Variants in GALK1 observed in about 807,000 individuals in gnomAD.
GALK1 encodes galactokinase.
A neutral mutation model predicts 38.6 loss-of-function variants in GALK1; 30 were observed. That is an observed-to-expected ratio of 0.78 (90% CI 0.58 to 1.05). The LOEUF (loss-of-function observed/expected upper bound fraction) is 1.05, where lower values mean the gene tolerates loss of function less well. GALK1 is among the 50% of genes least tolerant of loss of function. The pLI is 0.00. For synonymous variants in GALK1, 240 were observed against 233.6 expected, an observed-to-expected ratio of 1.03 and a Z score of -0.25; for missense variants, 512 against 540.5, an observed-to-expected ratio of 0.95 and a Z score of 0.52.
downstream of GALK1, chr17:75,756,659 C>T (rs1023347577): frequency 6.2e-6 from 10 of 1,613,002 alleles, no homozygotes; most frequent in Non-Finnish European, 7.6e-6. Flanking sequence ...CCCATCATGC[C>T]CACCACCCAC....
downstream of GALK1, chr17:75,756,708 C>T (rs57812564): frequency 6.3e-5 from 101 of 1,613,438 alleles, no homozygotes; most frequent in South Asian, 8.5e-4. Flanking sequence ...CCCCAGGCTC[C>T]GCCTTCACTT....
At chr17:75,753,812 C>T, downstream of GALK1, 1 of 1,465,278 alleles carries the variant, frequency 6.8e-7, no homozygotes, top group Non-Finnish European at 9.0e-7. Context: ...GCTGGACCTG[C>T]GGCGCGTCAC....
At chr17:75,757,719 C>T (rs757395224), downstream of GALK1, 10 of 953,078 alleles carry the variant, frequency 1.0e-5, no homozygotes, top group South Asian at 2.8e-5. Context: ...GGGCAAGGTC[C>T]GTCCTCTGTG....
chr17:75,754,594 G>A (rs755867749), downstream of GALK1: 77 of 1,613,624 alleles, frequency 4.8e-5, no homozygotes, highest in East Asian at 6.7e-5. Flanking sequence ...GTGAATGGCC[G>A]GATGGACTTT....
At chr17:75,762,943 G>T in intron 4 of GALK1, 58 bp from the exon 5 acceptor site, 1 of 1,483,214 alleles carries the variant, frequency 6.7e-7, no homozygotes. Context: ...TGCTGCGCCA[G>T]GCAGTGGGCA....
At chr17:75,762,584 A>T (rs1477259134) in intron 5 of GALK1, 120 bp downstream of exon 5, 2 of 1,063,416 alleles carry the variant, frequency 1.9e-6, no homozygotes, top group African/African-American at 1.6e-5. Flanking sequence ...GTTTGAAGGG[A>T]CTGGGGAGAG....
chr17:75,757,617 C>A, downstream of GALK1: 1 of 1,603,724 alleles, frequency 6.2e-7, no homozygotes, highest in Admixed American at 1.7e-5. Flanking sequence ...TCTCCCGGAG[C>A]CTCCTCAGCT....
At chr17:75,758,621 G>C in intron 5 of GALK1, 22 bp from the exon 6 acceptor site, 1 of 1,575,766 alleles carries the variant, frequency 6.3e-7, no homozygotes, top group South Asian at 1.1e-5. Flanking sequence ...AGAGGAGTCA[G>C]CAGCCGCCTT....
chr17:75,754,683 C>T (rs1478312480), downstream of GALK1: 6 of 1,614,020 alleles, frequency 3.7e-6, no homozygotes, highest in Non-Finnish European at 5.1e-6. Context: ...CCTGAGCCCA[C>T]ACGTGCCCCA....
intron 2 of GALK1, 190 bp downstream of exon 2, chr17:75,763,707 C>G (rs2061597942): frequency 4.1e-6 from 3 of 725,738 alleles, no homozygotes; most frequent in Admixed American, 2.3e-5. Context: ...CCTGGCTCCT[C>G]CAATCAGGTC....
At chr17:75,757,480 G>C, downstream of GALK1, 2 of 1,612,992 alleles carry the variant, frequency 1.2e-6, no homozygotes, top group Non-Finnish European at 1.7e-6. Flanking sequence ...ATGTGACCCA[G>C]GAGTTTGTGA....
intron 5 of GALK1, 111 bp downstream of exon 5, chr17:75,762,593 A>G: frequency 2.6e-6 from 3 of 1,146,724 alleles, no homozygotes; most frequent in Non-Finnish European, 3.9e-6. Flanking sequence ...GACTGGGGAG[A>G]GCATGGCAGA....
Position 75,762,762 on chromosome 17 carries a change from T to G in GALK1, c.735A>C (p.Glu245Asp). Residue 245 changes from glutamate to aspartate, a missense_variant, in exon 5 of 8, where the codon GAA (glutamate) becomes GAC (aspartate). Coordinates refer to ENST00000588479, the MANE Select transcript of GALK1 (RefSeq NM_000154.2). ...TTTCCTTGCCCAGCGCCCGGGCCAC[T>G]TCTTCACATTGGCGCCGCCGCACAG... ...EYPVRRRQCE[E>D]VARALGKESL... 1 of 1,613,944 alleles carries G rather than the reference T, an allele frequency of 6.2e-7. No homozygotes were observed. Among genetic ancestry groups the G allele is most frequent in the Non-Finnish European group, 8.5e-7 (1 of 1,180,020 alleles).
downstream of GALK1, chr17:75,757,065 C>A (rs770847957): frequency 3.1e-6 from 5 of 1,612,942 alleles, no homozygotes; most frequent in Admixed American, 6.7e-5. Context: ...GGGCTTCGGG[C>A]CAGAGCGCGA....
chr17:75,755,470 C>T (rs928925553), downstream of GALK1, among the ~76,000 whole-genome samples: 11 of 152,152 alleles, frequency 7.2e-5, no homozygotes, highest in African/African-American at 2.7e-4. Flanking sequence ...GTGGGGCTGG[C>T]AGACTCACGG....
At chr17:75,757,612 C>T (rs761588962), downstream of GALK1, 42 of 1,607,612 alleles carry the variant, frequency 2.6e-5, no homozygotes, top group South Asian at 1.9e-4. Flanking sequence ...ACTCCTCTCC[C>T]GGAGCCTCCT....
chr17:75,753,823 G>C, downstream of GALK1: 1 of 1,462,066 alleles, frequency 6.8e-7, no homozygotes, highest in Non-Finnish European at 9.0e-7. Context: ...GGCGCGTCAC[G>C]TGGCGGCTGC....
At chr17:75,754,865 C>T (rs1599314732), downstream of GALK1, 7 of 1,612,638 alleles carry the variant, frequency 4.3e-6, no homozygotes, top group South Asian at 1.1e-5. Flanking sequence ...TTCCTCTCTT[C>T]CAGCTCCTGG....
At position 75,762,707 on chromosome 17, in the gene GALK1, C is replaced by T; in HGVS notation, c.790G>A (p.Glu264Lys). The change falls in exon 5 of 8, where the codon GAG (glutamate) becomes AAG (lysine). Residue 264 changes from glutamate (E) to lysine (K), a missense_variant. Physicochemically the swap from Glu to Lys is moderately conservative, Grantham distance 56. Transcript: ENST00000588479. ...SLREVQLEEL[E>K]AARDLVSKEG... The stretch of plus-strand genomic sequence containing the variant: ...AGAGCACCCTGGCAGTTCTCACCCT[C>T]TAGCTCTTCCAGTTGTACCTCCCGG... The T allele has an allele frequency of 6.2e-7, 1 of 1,613,758 alleles. No individual in the cohort carries two copies. Among genetic ancestry groups the T allele is most frequent in the East Asian group, 2.2e-5 (1 of 44,876 alleles).
Sources: gnomAD v4.1 joint callset for allele counts (sites outside exome capture counted in the v4.1 genomes callset) on GRCh38, gnomAD v4.1.1 for gene constraint, MANE v1.5 for transcripts, NCBI Gene and HGNC (gene_info 2026-07-23, HGNC 2026-07-21) for gene names.